The following CHRM3 variants were observed in gnomAD, a reference collection of about 807,000 sequenced individuals.
The protein encoded by CHRM3 is cholinergic receptor muscarinic 3.
A neutral mutation model predicts 41.8 loss-of-function variants in CHRM3; 11 were observed. The observed-to-expected ratio is 0.26, with a 90% CI of 0.17 to 0.44. The LOEUF is 0.44. Ranked by LOEUF, CHRM3 falls within the 20% of genes least tolerant of loss-of-function variation. The probability of loss-of-function intolerance (pLI) is 1.00; values close to 1 mark genes in which losing one functional copy is unlikely to be tolerated. For synonymous variants in CHRM3, 297 were observed against 301.4 expected, an observed-to-expected ratio of 0.99 and a Z score of 0.15; for missense variants, 571 against 745.4, an observed-to-expected ratio of 0.77 and a Z score of 2.72.
chr1:239,445,720 A>C (rs1018953841), intron 1 of CHRM3, among the ~76,000 whole-genome samples: 1 of 152,156 alleles, frequency 6.6e-6, no homozygotes, highest in African/African-American at 2.4e-5. Flanking sequence ...GCTTAATAAG[A>C]AGTGAAATAG....
At chr1:239,652,186 T>A (rs181879204) in intron 4 of CHRM3, among the ~76,000 whole-genome samples, 1 of 152,278 alleles carries the variant, frequency 6.6e-6, no homozygotes, top group Non-Finnish European at 1.5e-5. Context: ...CCTCCTGTAT[T>A]CACCCATACT....
chr1:239,517,519 C>T (rs111970210), intron 2 of CHRM3, among the ~76,000 whole-genome samples: 1,985 of 152,230 alleles, frequency 0.013, 37 homozygotes, highest in African/African-American at 0.045. Flanking sequence ...TTATCATCAA[C>T]GTAATATGGC....
At chr1:239,423,638 G>A (rs1662130049) in intron 1 of CHRM3, among the ~76,000 whole-genome samples, 1 of 152,078 alleles carries the variant, frequency 6.6e-6, no homozygotes, top group Admixed American at 6.6e-5. Flanking sequence ...AAGATTCTAA[G>A]GTAGGATTAA....
chr1:239,862,100 A>G (rs933486493), intron 6 of CHRM3, among the ~76,000 whole-genome samples: 1 of 152,176 alleles, frequency 6.6e-6, no homozygotes, highest in Admixed American at 6.5e-5. Flanking sequence ...TGTTTTAACT[A>G]AGGCTGCAAA....
intron 2 of CHRM3, among the ~76,000 whole-genome samples, chr1:239,543,513 AT>A (rs71166879): frequency 0.022 from 3,222 of 145,028 alleles, 52 homozygotes; most frequent in Middle Eastern, 0.036. Flanking sequence ...GATTTATTTT[AT>A]TTTTTTTTTT....
chr1:239,747,081 G>A (rs1435435601), intron 5 of CHRM3, among the ~76,000 whole-genome samples: 2 of 151,914 alleles, frequency 1.3e-5, no homozygotes, highest in Non-Finnish European at 2.9e-5. Flanking sequence ...ATCCATTAAC[G>A]AGATATTTGT....
chr1:239,517,833 G>A (rs995287294), intron 2 of CHRM3, among the ~76,000 whole-genome samples: 1 of 152,136 alleles, frequency 6.6e-6, no homozygotes, highest in Admixed American at 6.6e-5. Context: ...CAATGCCTGT[G>A]ATGAGATAAA....
chr1:239,566,579 C>A (rs746910258), intron 3 of CHRM3, among the ~76,000 whole-genome samples: 2 of 152,154 alleles, frequency 1.3e-5, no homozygotes, highest in Non-Finnish European at 1.5e-5. Flanking sequence ...TATTTCCTTT[C>A]AAGAATCATT....
chr1:239,451,151 G>A (rs77704514), intron 1 of CHRM3, among the ~76,000 whole-genome samples: 2 of 152,170 alleles, frequency 1.3e-5, no homozygotes, highest in Non-Finnish European at 2.9e-5. Context: ...TTGAGCCCGG[G>A]GGTTGGAGGC....
intron 4 of CHRM3, among the ~76,000 whole-genome samples, chr1:239,675,061 C>A (rs1230244448): frequency 2.6e-5 from 4 of 151,984 alleles, no homozygotes; most frequent in African/African-American, 9.7e-5. Flanking sequence ...TTTCTCATGC[C>A]AGAATTTATG....
chr1:239,735,451 C>A (rs907340443), intron 5 of CHRM3, among the ~76,000 whole-genome samples: 2 of 151,988 alleles, frequency 1.3e-5, no homozygotes, highest in Non-Finnish European at 2.9e-5. Flanking sequence ...ATTATTTATT[C>A]TTTTAAAATG....
rs763682628 is a variant in CHRM3, at chr1:239,488,714, C to CAAAAA, written c.-520-3962_-520-3958dup. On this transcript the variant is annotated intron_variant, in intron 1 of 6. Coordinates refer to ENST00000676153, the MANE Select transcript of CHRM3 (RefSeq NM_001375978.1). The stretch of plus-strand genomic sequence containing the variant: ...TGGATGACAGAGCGAGACTCCTTCT[C>CAAAAA]AAAAAAAAAAAAAAAAAAAAAAAAA... Among the ~76,000 whole-genome samples, 16 of 46,220 alleles carry CAAAAA rather than the reference C, an allele frequency of 3.5e-4. 2 individuals carry two copies. The highest frequency in any genetic ancestry group is 1.5e-3 in the African/African-American group (15 of 9,802). The allele number at this position is 46,220 out of a possible 152,430, so 30.3% of individuals were successfully genotyped here.
intron 2 of CHRM3, among the ~76,000 whole-genome samples, chr1:239,543,516 T>TA (rs1265375308): frequency 3.3e-5 from 5 of 151,858 alleles, no homozygotes. Context: ...TTATTTTATT[T>TA]TTTTTTTTTG....
intron 2 of CHRM3, among the ~76,000 whole-genome samples, chr1:239,520,001 C>G (rs934394718): frequency 6.6e-6 from 1 of 152,070 alleles, no homozygotes; most frequent in Admixed American, 6.6e-5. Flanking sequence ...CTCGCCTCGG[C>G]CTCCCAAAGC....
chr1:239,468,239 G>A (rs539621156), intron 1 of CHRM3, among the ~76,000 whole-genome samples: 14 of 152,144 alleles, frequency 9.2e-5, no homozygotes, highest in Middle Eastern at 3.4e-3. Context: ...TTTTTAAATT[G>A]ATAATAGAAA....
intron 1 of CHRM3, among the ~76,000 whole-genome samples, chr1:239,480,144 T>C (rs982980837): frequency 6.6e-5 from 10 of 152,118 alleles, no homozygotes; most frequent in African/African-American, 2.4e-4. Flanking sequence ...AAATAAGATA[T>C]TAAGGCAGAC....
chr1:239,895,577 CT>C (rs1308989917), intron 6 of CHRM3, among the ~76,000 whole-genome samples: 1 of 152,146 alleles, frequency 6.6e-6, no homozygotes, highest in Non-Finnish European at 1.5e-5. Flanking sequence ...CTAAATGCCC[CT>C]CATCAATAGA....
At chr1:239,743,235 C>T (rs1021019732) in intron 5 of CHRM3, among the ~76,000 whole-genome samples, 16 of 152,138 alleles carry the variant, frequency 1.1e-4, no homozygotes, top group Non-Finnish European at 1.5e-5. Context: ...CCAATGAATG[C>T]CATTCATCAT....
intron 5 of CHRM3, among the ~76,000 whole-genome samples, chr1:239,781,429 T>C (rs1668503041): frequency 6.6e-6 from 1 of 152,200 alleles, no homozygotes; most frequent in African/African-American, 2.4e-5. Context: ...CAATGGACTG[T>C]TGTGAACTGC....
Sources: allele counts gnomAD v4.1 joint callset (sites outside exome capture counted in the v4.1 genomes callset), GRCh38; gene constraint gnomAD v4.1.1; transcripts MANE v1.5; gene names NCBI Gene and HGNC (gene_info 2026-07-23, HGNC 2026-07-21).